The following OPHN1 variants were observed in gnomAD, a reference collection of about 807,000 sequenced individuals.
The protein encoded by OPHN1 is oligophrenin-1.
In OPHN1, 11 loss-of-function variants were observed where a neutral mutation model predicts 60.7. That is an observed-to-expected ratio of 0.18 (90% CI 0.11 to 0.30). The LOEUF is 0.30. OPHN1 is among the 10% of genes least tolerant of loss of function. The pLI is 1.00. For synonymous variants in OPHN1, 226 were observed against 222.6 expected, an observed-to-expected ratio of 1.02 and a Z score of -0.14; for missense variants, 449 against 611.0, an observed-to-expected ratio of 0.73 and a Z score of 2.80.
chrX:68,298,637 T>C (rs2078106200), intron 3 of OPHN1, among the ~76,000 whole-genome samples: 1 of 112,049 alleles, frequency 8.9e-6, no homozygotes, highest in Non-Finnish European at 1.9e-5. Flanking sequence ...TAACACTTTC[T>C]AGGGAAATTT....
intron 2 of OPHN1, among the ~76,000 whole-genome samples, chrX:68,393,885 G>GTTTGTTT (rs2078667077): frequency 8.7e-5 from 3 of 34,588 alleles, no homozygotes; most frequent in Non-Finnish European, 1.5e-4. Context: ...AATAGACTTT[G>GTTTGTTT]TTTTTTTTTT....
At chrX:68,133,284 G>A (rs181445588) in intron 15 of OPHN1, 7 of 620,031 alleles carry the variant, frequency 1.1e-5, no homozygotes, top group South Asian at 4.7e-5. Flanking sequence ...GGAATAATAC[G>A]TGAGTGTGTC....
chrX:68,135,408 G>A (rs1167409254), intron 15 of OPHN1, among the ~76,000 whole-genome samples: 2 of 111,923 alleles, frequency 1.8e-5, no homozygotes, highest in South Asian at 3.8e-4. Context: ...CCAAGAGAGA[G>A]AATAGGGTAT....
intron 2 of OPHN1, among the ~76,000 whole-genome samples, chrX:68,308,290 T>C (rs963384599): frequency 8.9e-6 from 1 of 112,132 alleles, no homozygotes; most frequent in African/African-American, 3.2e-5. Context: ...TGAAGTTCTT[T>C]CACAAAAAAT....
intron 5 of OPHN1, among the ~76,000 whole-genome samples, chrX:68,268,351 G>T (rs759590232): frequency 9.0e-5 from 10 of 111,730 alleles, no homozygotes; most frequent in African/African-American, 2.6e-4. Flanking sequence ...GTAAAATACT[G>T]GCAAACCGAA....
At chrX:68,182,188 G>GTTTTTTTTTTTTTTTTTTTT (rs397951860) in intron 15 of OPHN1, among the ~76,000 whole-genome samples, 1 of 46,133 alleles carries the variant, frequency 2.2e-5, no homozygotes, top group Non-Finnish European at 3.7e-5. Flanking sequence ...AAGCTCTGTA[G>GTTTTTTTTTTTTTTTTTTTT]TTTTTTTTTT....
chrX:68,341,404 G>A (rs2078350871), intron 2 of OPHN1, among the ~76,000 whole-genome samples: 1 of 110,702 alleles, frequency 9.0e-6, no homozygotes, highest in African/African-American at 3.3e-5. Flanking sequence ...AGGAAACAGG[G>A]GAACATGTAA....
chrX:68,268,068 G>C (rs1034656748), intron 5 of OPHN1, among the ~76,000 whole-genome samples: 1 of 111,553 alleles, frequency 9.0e-6, no homozygotes, highest in African/African-American at 3.3e-5. Context: ...AAAAGTCCAG[G>C]AGCAGATGCA....
intron 11 of OPHN1, 47 bp from the exon 12 acceptor site, chrX:68,197,311 G>C: frequency 1.0e-6 from 1 of 997,583 alleles, no homozygotes; most frequent in Non-Finnish European, 1.4e-6. Flanking sequence ...ATTCAACTGA[G>C]AGAATGGAGT....
chrX:68,092,698 A>T (rs1602150279), intron 19 of OPHN1, among the ~76,000 whole-genome samples: 1 of 111,746 alleles, frequency 8.9e-6, no homozygotes, highest in African/African-American at 3.2e-5. Context: ...ATTGCTTTTC[A>T]AATCATGCCA....
chrX:68,293,810 C>T (rs1397769143), intron 3 of OPHN1, among the ~76,000 whole-genome samples: 2 of 111,659 alleles, frequency 1.8e-5, no homozygotes, highest in African/African-American at 3.3e-5. Context: ...TGTACTTGCA[C>T]AACCCTGAGA....
intron 19 of OPHN1, among the ~76,000 whole-genome samples, chrX:68,085,131 TTAACCTGTG>T (rs1264001042): frequency 8.9e-6 from 1 of 112,264 alleles, no homozygotes; most frequent in Non-Finnish European, 1.9e-5. Flanking sequence ...ACAATGGGCA[TTAACCTGTG>T]TGTTACTGCT....
At chrX:68,319,992 T>C (rs909342528) in intron 2 of OPHN1, among the ~76,000 whole-genome samples, 1 of 110,267 alleles carries the variant, frequency 9.1e-6, no homozygotes, top group East Asian at 2.8e-4. Context: ...GCAGAGGATA[T>C]GTGGATGGCA....
At chrX:68,422,631 A>AGAAAAAGGAAGG (rs397963510) in intron 2 of OPHN1, among the ~76,000 whole-genome samples, 1 of 97,091 alleles carries the variant, frequency 1.0e-5, no homozygotes, top group African/African-American at 3.9e-5. Flanking sequence ...AAAGAAAGAA[A>AGAAAAAGGAAGG]AAGGAAGGAA....
Position 68,266,752 on chromosome X carries a change from G to C in OPHN1, c.384+7986C>G, listed in dbSNP as rs186887722. 1.3e-4 allele frequency among the ~76,000 whole-genome samples: 15 copies of C among 111,215 alleles called. No individual in the cohort carries two copies. The East Asian group carries it at 4.3e-3, about 32-fold the overall frequency. ...ACTGGCAAATTGGATAAAGAGTCAA[G>C]ACCCATCAGTGTGCTGTATTCAGGA... is the stretch of plus-strand genomic sequence containing the variant. On this transcript the variant is annotated intron_variant, in intron 5 of 24. Coordinates refer to ENST00000355520, the MANE Select transcript of OPHN1 (RefSeq NM_002547.3).
intron 2 of OPHN1, among the ~76,000 whole-genome samples, chrX:68,373,006 G>A (rs2078537427): frequency 8.9e-6 from 1 of 112,098 alleles, no homozygotes; most frequent in South Asian, 3.7e-4. Context: ...GAGTGCCAGG[G>A]AGCATAGTGA....
chrX:68,318,330 A>G lies in OPHN1; in HGVS notation c.155-19234T>C, dbSNP rs181533065. Among the ~76,000 whole-genome samples, 271 of 112,149 alleles carry G rather than the reference A, an allele frequency of 2.4e-3. 1 individual carries two copies. Among genetic ancestry groups the G allele is most frequent in the Non-Finnish European group, 3.8e-3 (201 of 53,198 alleles). On this transcript the variant is annotated intron_variant, in intron 2 of 24. Transcript: ENST00000355520. ...AAGACTCAACATAATAAAAATGTCA[A>G]TTCTCCCCAAATTGATATACAGGTT...
intron 2 of OPHN1, among the ~76,000 whole-genome samples, chrX:68,333,255 AAAT>A (rs541199386): frequency 6.5e-5 from 7 of 108,057 alleles, no homozygotes; most frequent in African/African-American, 1.4e-4. Context: ...CCATCTCTAC[AAAT>A]AATAATAATA....
intron 18 of OPHN1, among the ~76,000 whole-genome samples, chrX:68,100,529 G>C (rs1227100917): frequency 9.0e-6 from 1 of 110,554 alleles, no homozygotes; most frequent in African/African-American, 3.3e-5. Flanking sequence ...GATGAAACAA[G>C]ATTGGCCATG....
Sources: gnomAD v4.1 joint callset for allele counts (sites outside exome capture counted in the v4.1 genomes callset) on GRCh38, gnomAD v4.1.1 for gene constraint, MANE v1.5 for transcripts, NCBI Gene and HGNC (gene_info 2026-07-23, HGNC 2026-07-21) for gene names.